Variants in AP2A1 observed in about 807,000 individuals in gnomAD.
AP2A1 encodes the protein adaptor related protein complex 2 subunit alpha 1.
A neutral mutation model predicts 107.3 loss-of-function variants in AP2A1; 21 were observed. That is an observed-to-expected ratio of 0.20 (90% CI 0.14 to 0.28). AP2A1 has a LOEUF of 0.28. Ranked by LOEUF, AP2A1 falls within the 10% of genes least tolerant of loss-of-function variation. The pLI, the probability that AP2A1 is intolerant of heterozygous loss-of-function variation, is 1.00. For synonymous variants in AP2A1, 602 were observed against 564.8 expected, an observed-to-expected ratio of 1.07 and a Z score of -0.93; for missense variants, 873 against 1,307.7, an observed-to-expected ratio of 0.67 and a Z score of 5.13.
chr19:49,804,322 A>C (rs1015878716), intron 18 of AP2A1: 56 of 152,202 alleles, frequency 3.7e-4, no homozygotes, highest in African/African-American at 1.3e-3. Context: ...TGGTTGGATC[A>C]CGAGGTCAGG....
intron 1 of AP2A1, among the ~76,000 whole-genome samples, chr19:49,775,305 A>G (rs1200990895): frequency 6.6e-6 from 1 of 152,096 alleles, no homozygotes; most frequent in Non-Finnish European, 1.5e-5. Flanking sequence ...TATCCAAACT[A>G]TTATTTCAGT....
At position 49,785,555 on chromosome 19, in the gene AP2A1, G is replaced by A. The variant is rs2084726710; in HGVS notation, c.473+2831G>A. Among the ~76,000 whole-genome samples, 2 of 152,086 alleles carry A rather than the reference G, an allele frequency of 1.3e-5. No individual in the cohort carries two copies. The highest frequency in any genetic ancestry group is 1.3e-4 in the Admixed American group (2 of 15,268). ...GAGTAGGACTCTGGGGAGGAAGTTG[G>A]ATTGCAGGGAGTCAGGGCGGGAGGG... On this transcript the variant is annotated intron_variant, in intron 4 of 22. Coordinates refer to ENST00000354293, the MANE Select transcript of AP2A1 (RefSeq NM_130787.3). This position sits in a 1 kb window ranked among gnomAD's most constrained non-coding sequence, Gnocchi z 4.1.
In AP2A1 at chr19:49,794,632, AG is replaced by A. The variant is rs375168445; in HGVS notation, c.706-996del. 2.0e-3 allele frequency among the ~76,000 whole-genome samples: 308 copies of A among 152,248 alleles called. 2 individuals are homozygous for A. The highest frequency in any genetic ancestry group is 6.8e-3 in the African/African-American group (282 of 41,554). ...GGAGAAGGGCTTTTCAAGGTTGAAT[AG>A]GAGTTTGCAATGAGGAAAAAAAGTC... is the stretch of plus-strand genomic sequence containing the variant. On this transcript the variant is annotated intron_variant, in intron 6 of 22. Transcript: ENST00000354293.
intron 18 of AP2A1, 141 bp from the exon 19 acceptor site, chr19:49,805,312 T>G (rs1447556874): frequency 3.8e-6 from 4 of 1,039,804 alleles, no homozygotes; most frequent in Non-Finnish European, 5.3e-6. Flanking sequence ...TAGTTGAACC[T>G]TGTAGGATTG....
chr19:49,771,916 G>A (rs1325802632), intron 1 of AP2A1, among the ~76,000 whole-genome samples: 1 of 152,144 alleles, frequency 6.6e-6, no homozygotes, highest in Non-Finnish European at 1.5e-5. Context: ...TGTGAAGGCA[G>A]AGGCGGGGCA....
chr19:49,797,734 A>AT (rs928653856), intron 7 of AP2A1, among the ~76,000 whole-genome samples: 9 of 152,116 alleles, frequency 5.9e-5, no homozygotes, highest in African/African-American at 2.2e-4. Context: ...TCAAAAAAAA[A>AT]TAAAAAAATA....
chr19:49,792,976 C>T lies in AP2A1; in HGVS notation c.604-15C>T, dbSNP rs200242598. On this transcript the variant is annotated splice_polypyrimidine_tract_variant and intron_variant, in intron 5 of 22. Transcript: ENST00000354293. ...TCCCCCAGGGGCCTGACTTGTCTCT[C>T]CTCTGCCCCTGCAGGGTGTGGTCAC... The T allele has an allele frequency of 7.8e-4, 1,243 of 1,583,884 alleles. 23 individuals are homozygous for T. The East Asian group carries it at 0.021, about 26-fold the overall frequency.
intron 15 of AP2A1, chr19:49,802,706 C>T (rs2073305221): frequency 8.4e-7 from 1 of 1,194,080 alleles, no homozygotes; most frequent in Non-Finnish European, 1.1e-6. Context: ...TGATGAGCAG[C>T]AGAGGCAGGG....
In AP2A1 at chr19:49,801,027, G is replaced by T; in HGVS notation, c.1522G>T (p.Gly508Trp). The T allele has an allele frequency of 6.2e-7, 1 of 1,607,964 alleles. No homozygotes were observed. Among genetic ancestry groups the T allele is most frequent in the South Asian group, 1.1e-5 (1 of 89,736 alleles). Residue 508 changes from glycine to tryptophan, a missense_variant, in exon 12 of 23, where the codon GGG becomes TGG. Gly to Trp is a radical substitution (Grantham distance 184, BLOSUM62 -2). Transcript: ENST00000354293. Reference sequence around the variant, plus strand: ...TGGCGGCTACATCCTTGGGGAGTTTGGGAACCTGATTGCTGGGGACCCCCG... The same window carrying T: ...TGGCGGCTACATCCTTGGGGAGTTTTGGAACCTGATTGCTGGGGACCCCCG... The part of the protein sequence containing the change: ...KVGGYILGEF[G>W]NLIAGDPRSS...
At chr19:49,775,595 A>G (rs995401776) in intron 1 of AP2A1, among the ~76,000 whole-genome samples, 2 of 152,096 alleles carry the variant, frequency 1.3e-5, no homozygotes, top group Non-Finnish European at 2.9e-5. Flanking sequence ...GATTACAGGT[A>G]TGAGCCTGTG....
intron 21 of AP2A1, 56 bp downstream of exon 21, chr19:49,805,997 C>CT: frequency 6.2e-7 from 1 of 1,613,134 alleles, no homozygotes; most frequent in South Asian, 1.1e-5. Context: ...CTCTGAGCCT[C>CT]TGTTTTCCCA....
At chr19:49,805,409 G>A (rs1310994123) in intron 18 of AP2A1, 44 bp from the exon 19 acceptor site, 1 of 1,495,528 alleles carries the variant, frequency 6.7e-7, no homozygotes, top group Non-Finnish European at 9.0e-7. Context: ...GACCTCCCGG[G>A]GGCCCACCTC....
intron 11 of AP2A1, chr19:49,800,565 G>A (rs1568586687): frequency 1.2e-5 from 3 of 259,268 alleles, no homozygotes; most frequent in South Asian, 5.3e-5. Context: ...GCCTCCCAGC[G>A]TCAAGCCATT....
intron 7 of AP2A1, among the ~76,000 whole-genome samples, chr19:49,798,161 A>C (rs1250117097): frequency 6.6e-6 from 1 of 152,138 alleles, no homozygotes; most frequent in Non-Finnish European, 1.5e-5. Flanking sequence ...TCTTGCATAC[A>C]CTTGAAAACA....
Position 49,790,774 on chromosome 19 carries a change from C to G in AP2A1, c.474-1161C>G, listed in dbSNP as rs1600229962. Among the ~76,000 whole-genome samples the G allele has an allele frequency of 2.6e-5, 4 of 152,206 alleles. No individual in the cohort carries two copies. In the East Asian group the frequency reaches 7.7e-4, roughly 29 times the overall value. ...TTCCCTCACAACAGGCAGAGGGACC[C>G]TTTAAAAACCTAAGCCAGATCAAAA... On this transcript the variant is annotated intron_variant, in intron 4 of 22. Transcript: ENST00000354293.
chr19:49,768,522 T>C (rs2084526448), intron 1 of AP2A1, among the ~76,000 whole-genome samples: 1 of 152,148 alleles, frequency 6.6e-6, no homozygotes, highest in African/African-American at 2.4e-5. Context: ...AACTTGGCTA[T>C]TGTTTTTACT....
chr19:49,779,487 CAAA>C (rs370114853), intron 1 of AP2A1, among the ~76,000 whole-genome samples: 1 of 83,958 alleles, frequency 1.2e-5, no homozygotes, highest in African/African-American at 4.9e-5. Flanking sequence ...GCCTGGGCTA[CAAA>C]AAAAAAAAAA....
chr19:49,802,185 G>A (rs763032658), intron 15 of AP2A1, 44 bp downstream of exon 15: 40 of 1,487,718 alleles, frequency 2.7e-5, no homozygotes, highest in East Asian at 2.4e-5. Flanking sequence ...GCCACCCCCA[G>A]GGCTGTCCCT....
Position 49,807,063 on chromosome 19 carries a change from C to G in AP2A1, c.*305C>G, listed in dbSNP as rs759507651. On this transcript the variant is annotated 3_prime_UTR_variant, in exon 23 of 23. Transcript: ENST00000354293. ...TGTTGTAGCCCCTCCTACCCCCTCCCCATCCAGGGGCTGTGTATTATTGTG... is the reference window on the plus strand; with the variant it reads ...TGTTGTAGCCCCTCCTACCCCCTCCGCATCCAGGGGCTGTGTATTATTGTG... 3 of 1,591,862 alleles carry G rather than the reference C, an allele frequency of 1.9e-6. No individual in the cohort carries two copies. Among genetic ancestry groups the G allele is most frequent in the Non-Finnish European group, 2.6e-6 (3 of 1,174,272 alleles).
Sources: allele counts gnomAD v4.1 joint callset (sites outside exome capture counted in the v4.1 genomes callset), GRCh38; gene constraint gnomAD v4.1.1; non-coding constraint Gnocchi (gnomAD v3.1); transcripts MANE v1.5; gene names NCBI Gene and HGNC (gene_info 2026-07-23, HGNC 2026-07-21).